The following FETUB variants were observed in gnomAD, a reference collection of about 807,000 sequenced individuals.
FETUB encodes fetuin B, also known as fetuin-B.
In FETUB, 28 loss-of-function variants were observed where a neutral mutation model predicts 30.9. That is an observed-to-expected ratio of 0.90 (90% confidence interval 0.67 to 1.24). The LOEUF (loss-of-function observed/expected upper bound fraction) is 1.24, where lower values mean the gene tolerates loss of function less well. Ranked by LOEUF, FETUB falls within the 50% of genes most tolerant of loss-of-function variation. The pLI is 0.00. For synonymous variants in FETUB, 186 were observed against 175.9 expected (o/e 1.06, Z -0.45); for missense variants, 469 against 455.3 (o/e 1.03, Z -0.27).
intron 6 of FETUB, 118 bp downstream of exon 6, chr3:186,651,419 C>T (rs1718028488): frequency 8.4e-6 from 6 of 716,900 alleles, no homozygotes; most frequent in Non-Finnish European, 1.5e-5. Flanking sequence ...CCACTTTGCG[C>T]AGGCTAGCCT....
intron 5 of FETUB, among the ~76,000 whole-genome samples, chr3:186,650,170 TG>T (rs10618470): frequency 0.12 from 7,732 of 65,282 alleles, 440 homozygotes; most frequent in Middle Eastern, 0.16. Flanking sequence ...TTGGCGGGGG[TG>T]GGGGGGGGGG....
chr3:186,652,751 C>T lies in FETUB; in HGVS notation c.*120C>T, dbSNP rs1718174620. The T allele has an allele frequency of 8.2e-7, 1 of 1,219,426 alleles. No individual in the cohort carries two copies. The highest frequency in any genetic ancestry group is 1.6e-5 in the South Asian group (1 of 63,540). The allele number at this position is 1,219,426 out of a possible 1,614,324, so 75.5% of individuals were successfully genotyped here. A position where few individuals can be genotyped will look rare whatever the true frequency, so the allele number is the denominator to read the frequency against. On this transcript the variant is annotated 3_prime_UTR_variant, in exon 7 of 7. Transcript: ENST00000265029. ...TGGCTAGTGAAGGACGCCTTTTTGA[C>T]TCTTCTTGGTCTCAGCATGTTGACT... is the stretch of plus-strand genomic sequence containing the variant.
intron 5 of FETUB, among the ~76,000 whole-genome samples, chr3:186,649,937 C>T (rs1717863918): frequency 6.6e-6 from 1 of 152,092 alleles, no homozygotes; most frequent in Admixed American, 6.5e-5. Context: ...ATAACGGCCT[C>T]CAGTTCCATC....
At position 186,642,568 on chromosome 3, in the gene FETUB, CACT is replaced by C. The variant is rs1354678459; in HGVS notation, c.424+13_424+15del. ...TGTACTCTTCGCCCAGGTAAGAAAT[CACT>C]ACGATTTTGTTAGTTTTAATAAAGG... On this transcript the variant is annotated intron_variant, in intron 3 of 6. Transcript: ENST00000265029. The C allele has an allele frequency of 1.3e-6, 2 of 1,525,770 alleles. No homozygotes were observed. Among genetic ancestry groups the C allele is most frequent in the Non-Finnish European group, 1.8e-6 (2 of 1,101,408 alleles). 94.5% of individuals were successfully genotyped at this position (1,525,770 alleles called of 1,614,324 possible).
chr3:186,637,914 A>G (rs1376987474), upstream of FETUB, among the ~76,000 whole-genome samples: 4 of 152,210 alleles, frequency 2.6e-5, no homozygotes, highest in Non-Finnish European at 4.4e-5. Flanking sequence ...CCCAAGAGCT[A>G]GACCTGGGCT....
chr3:186,640,981 G>A (rs756454475), intron 1 of FETUB, 49 bp from the exon 2 acceptor site: 3 of 1,243,520 alleles, frequency 2.4e-6, no homozygotes, highest in South Asian at 2.5e-5. Flanking sequence ...GTCTTTCTAG[G>A]TTTCTACTTC....
intron 3 of FETUB, 150 bp from the exon 4 acceptor site, chr3:186,644,601 G>A (rs1717337152): frequency 3.4e-6 from 2 of 580,038 alleles, no homozygotes; most frequent in Non-Finnish European, 5.9e-6. Context: ...AGTAATACAT[G>A]GTCATTACAG....
Position 186,640,507 on chromosome 3 carries a change from G to A in FETUB, c.47G>A (p.Cys16Tyr), listed in dbSNP as rs368316054. The A allele has an allele frequency of 3.1e-6, 5 of 1,614,024 alleles. No individual in the cohort carries two copies. The highest frequency in any genetic ancestry group is 2.7e-5 in the African/African-American group (2 of 74,898). Residue 16 changes from cysteine (C) to tyrosine (Y), a missense_variant, in exon 1 of 7, where the codon TGC becomes TAC. By Grantham distance (194) the Cys-to-Tyr change is radical (BLOSUM62 -2). Coordinates refer to ENST00000265029, the MANE Select transcript of FETUB (RefSeq NM_014375.3). ...GCACTCTGCATCCTAGTCCTGTGCT[G>A]CGGAGCAATGTCTCCACCCCAGCTG... ...PLALCILVLC[C>Y]GAMSPPQLAL... is the part of the protein sequence containing the mutation.
intron 2 of FETUB, chr3:186,641,770 G>A (rs1035741041): frequency 3.9e-5 from 6 of 152,384 alleles, no homozygotes; most frequent in African/African-American, 1.2e-4. Flanking sequence ...TTTACAGTGT[G>A]AGTACAGAAT....
At position 186,644,750 on chromosome 3, in the gene FETUB, G is replaced by A; in HGVS notation, c.425-1G>A. On this transcript the variant is annotated splice_acceptor_variant, in intron 3 of 6. Transcript: ENST00000265029. LOFTEE classifies it high-confidence loss of function. ...AAAACTTATGTTATTGGCATCAACA[G>A]TTTCAAAAAAAAAGATTTACATGAC... The A allele has an allele frequency of 3.8e-6, 6 of 1,592,388 alleles. No homozygotes were observed. The highest frequency in any genetic ancestry group is 5.1e-6 in the Non-Finnish European group (6 of 1,173,456).
At chr3:186,636,039 C>T (rs1001801090), upstream of FETUB, 15 of 152,192 alleles carry the variant, frequency 9.9e-5, no homozygotes, top group Admixed American at 1.3e-4. Flanking sequence ...ATTAACAAAC[C>T]GGCTGCTGGC....
rs1201348342 is a variant in FETUB, at chr3:186,651,277, G to GAC, written c.757_758dup (p.Cys254LeufsTer78). The GAC allele has an allele frequency of 1.9e-6, 3 of 1,612,460 alleles. No homozygotes were observed. The highest frequency in any genetic ancestry group is 2.7e-5 in the African/African-American group (2 of 74,880). On this transcript the variant is annotated frameshift_variant, in exon 6 of 7. Transcript: ENST00000265029. LOFTEE classifies it low-confidence loss of function (END_TRUNC). ...CACACTGGGAAAAGTTTGTCTCTGT[G>GAC]ACTTGTGACTTCTTTGAATCACAGG...
upstream of FETUB, chr3:186,640,332 T>C (rs574168968): frequency 3.5e-5 from 25 of 709,248 alleles, no homozygotes; most frequent in African/African-American, 3.5e-4. Context: ...AAGTTCAGAA[T>C]TCAAGGTGAA....
chr3:186,647,385 T>TG (rs1323516024), intron 5 of FETUB, among the ~76,000 whole-genome samples: 1 of 152,132 alleles, frequency 6.6e-6, no homozygotes, highest in African/African-American at 2.4e-5. Context: ...AACAAAAAAA[T>TG]GCTCCATGTT....
chr3:186,648,973 A>G (rs1336871471), intron 5 of FETUB, among the ~76,000 whole-genome samples: 1 of 152,194 alleles, frequency 6.6e-6, no homozygotes, highest in Non-Finnish European at 1.5e-5. Flanking sequence ...TTAAATCTGG[A>G]TGCCACATGT....
intron 5 of FETUB, among the ~76,000 whole-genome samples, chr3:186,646,588 G>T (rs1433445400): frequency 1.7e-4 from 26 of 152,156 alleles, no homozygotes; most frequent in Admixed American, 1.7e-3. Flanking sequence ...CTCAGTGATG[G>T]GTAATGGCCC....
At position 186,652,463 on chromosome 3, in the gene FETUB, T is replaced by C; in HGVS notation, c.981T>C (p.His327=). 3 of 1,614,152 alleles carry C rather than the reference T, an allele frequency of 1.9e-6. No individual in the cohort carries two copies. Among genetic ancestry groups the C allele is most frequent in the Non-Finnish European group, 2.5e-6 (3 of 1,180,024 alleles). ...EKGPQEAFPV[H]LDLTTNPQGE... ...GCCCTCAGGAGGCCTTTCCTGTGCA[T>C]CTGGACCTAACCACGAATCCCCAGG... The change falls in exon 7 of 7, where the codon CAT becomes CAC. Residue 327 remains histidine, a synonymous_variant. Transcript: ENST00000265029.
chr3:186,644,609 C>T (rs2108525554), intron 3 of FETUB, 142 bp from the exon 4 acceptor site: 1 of 618,692 alleles, frequency 1.6e-6, no homozygotes, highest in African/African-American at 1.8e-5. Flanking sequence ...ATGGTCATTA[C>T]AGAAAACACT....
chr3:186,645,439 T>A (rs1159644242), intron 4 of FETUB, among the ~76,000 whole-genome samples: 1 of 152,120 alleles, frequency 6.6e-6, no homozygotes, highest in Admixed American at 6.5e-5. Context: ...GTAGTCCTCC[T>A]ACCTCAGCCT....
Sources: allele counts gnomAD v4.1 joint callset (sites outside exome capture counted in the v4.1 genomes callset), GRCh38; gene constraint gnomAD v4.1.1; transcripts MANE v1.5; gene names NCBI Gene and HGNC (gene_info 2026-07-23, HGNC 2026-07-21).